Variants in SOX5 observed in about 807,000 individuals in gnomAD.
The protein encoded by SOX5 is transcription factor SOX-5.
A neutral mutation model predicts 92.0 loss-of-function variants in SOX5; 9 were observed. That is an observed-to-expected ratio of 0.10 (90% CI 0.06 to 0.17). SOX5 has a LOEUF of 0.17. Among genes scored for constraint, SOX5 ranks in the 10% least tolerant of loss-of-function variants. The pLI is 1.00. For missense variants in SOX5, 642 were observed against 944.5 expected, an observed-to-expected ratio of 0.68 and a Z score of 4.20; for synonymous variants, 344 against 336.3, an observed-to-expected ratio of 1.02 and a Z score of -0.25.
In SOX5 at chr12:24,445,259, T is replaced by C. The variant is rs112306857; in HGVS notation, c.-250-76620A>G. On this transcript the variant is annotated intron_variant, in intron 1 of 4. Coordinates refer to the SOX5 transcript ENST00000446891. ...GGTCAAATTTGCATGGTATCAGACA[T>C]GTCTAATGAATGCACACTCCTTAAC... Among the ~76,000 whole-genome samples, 94 of 152,348 alleles carry C rather than the reference T, an allele frequency of 6.2e-4. 1 individual carries two copies. Among genetic ancestry groups the C allele is most frequent in the African/African-American group, 1.8e-3 (76 of 41,594 alleles).
intron 8 of SOX5, among the ~76,000 whole-genome samples, chr12:23,628,487 G>A (rs1198044568): frequency 6.6e-6 from 1 of 152,046 alleles, no homozygotes; most frequent in African/African-American, 2.4e-5. Context: ...AGTAGAGAAA[G>A]CAAGACATAA....
chr12:24,076,425 C>T (rs1942605143), intron 4 of SOX5, among the ~76,000 whole-genome samples: 1 of 152,132 alleles, frequency 6.6e-6, no homozygotes, highest in Non-Finnish European at 1.5e-5. Context: ...AAAATCCACA[C>T]AGTGCTTGGG....
chr12:23,692,331 G>T lies in SOX5; in HGVS notation c.811-26767C>A, dbSNP rs545926578. Among the ~76,000 whole-genome samples the T allele has an allele frequency of 4.4e-3, 670 of 151,896 alleles. 4 individuals carry two copies. The highest frequency in any genetic ancestry group is 6.6e-3 in the Non-Finnish European group (448 of 67,952). ...CGGCGCCTGTAATCCCAGCTACTCG[G>T]GAGGCTGAGGCAGGAGAATCACTTG... is the stretch of plus-strand genomic sequence containing the variant. On this transcript the variant is annotated intron_variant, in intron 6 of 14. Transcript: ENST00000451604.
chr12:24,121,841 G>A lies in SOX5; in HGVS notation c.-2+91502C>T, dbSNP rs141529384. Among the ~76,000 whole-genome samples, 919 of 139,786 alleles carry A rather than the reference G, an allele frequency of 6.6e-3. 8 individuals carry two copies. The highest frequency in any genetic ancestry group is 0.023 in the African/African-American group (863 of 37,292). 91.7% of individuals were successfully genotyped at this position (139,786 alleles called of 152,430 possible). A position where few individuals can be genotyped will look rare whatever the true frequency, so the allele number is the denominator to read the frequency against. Reference sequence around the variant, plus strand: ...GCAGAGGTTGCAGTGAGCCGAGATCGTGCCACTGCACTCTAGCCTGGGCGA... The same window carrying A: ...GCAGAGGTTGCAGTGAGCCGAGATCATGCCACTGCACTCTAGCCTGGGCGA... On this transcript the variant is annotated intron_variant, in intron 4 of 4. Transcript: ENST00000446891.
At chr12:24,128,874 G>T (rs917275690) in intron 4 of SOX5, among the ~76,000 whole-genome samples, 1 of 152,170 alleles carries the variant, frequency 6.6e-6, no homozygotes, top group African/African-American at 2.4e-5. Flanking sequence ...AGGCAAAGTG[G>T]CCAGGTGGGA....
chr12:24,310,951 G>A (rs1047931591), intron 2 of SOX5, among the ~76,000 whole-genome samples: 4 of 151,646 alleles, frequency 2.6e-5, no homozygotes, highest in African/African-American at 7.3e-5. Context: ...ACTACTTTTC[G>A]GACATGTCAA....
chr12:23,678,282 A>G (rs903723549), intron 6 of SOX5, among the ~76,000 whole-genome samples: 7 of 152,164 alleles, frequency 4.6e-5, no homozygotes, highest in Non-Finnish European at 8.8e-5. Flanking sequence ...CATTACTTGC[A>G]AAAATCTGAG....
Position 23,657,214 on chromosome 12 carries a change from G to C in SOX5, c.931+8230C>G, listed in dbSNP as rs114475651. ...GTGGAAAGCCGTAAAATCAATAAGA[G>C]AGCAAGCCTGAGACTGGATGTCATG... On this transcript the variant is annotated intron_variant, in intron 7 of 14. Coordinates refer to ENST00000451604, the MANE Select transcript of SOX5 (RefSeq NM_006940.6). 3.5e-3 allele frequency among the ~76,000 whole-genome samples: 540 copies of C among 152,206 alleles called. 1 individual carries two copies. Among genetic ancestry groups the C allele is most frequent in the African/African-American group, 0.012 (517 of 41,548 alleles).
intron 1 of SOX5, among the ~76,000 whole-genome samples, chr12:24,487,935 C>T (rs957891245): frequency 3.9e-5 from 6 of 152,054 alleles, no homozygotes; most frequent in African/African-American, 1.4e-4. Flanking sequence ...ACCCAAGGAA[C>T]AGAAGATAAG....
chr12:23,554,713 AGAG>A (rs1302351833), intron 11 of SOX5, among the ~76,000 whole-genome samples: 1 of 152,304 alleles, frequency 6.6e-6, no homozygotes, highest in East Asian at 1.9e-4. Flanking sequence ...TATTGGTAAA[AGAG>A]GAGAAGAGAT....
At chr12:24,490,579 G>C (rs1441536564) in intron 1 of SOX5, among the ~76,000 whole-genome samples, 1 of 151,540 alleles carries the variant, frequency 6.6e-6, no homozygotes, top group Admixed American at 6.6e-5. Flanking sequence ...ACTTACACAG[G>C]AAAATTCAGG....
intron 4 of SOX5, among the ~76,000 whole-genome samples, chr12:24,193,867 A>G (rs1476853927): frequency 6.6e-6 from 1 of 152,216 alleles, no homozygotes; most frequent in Non-Finnish European, 1.5e-5. Flanking sequence ...TCTTTGTGCA[A>G]AACAGTCACT....
chr12:23,910,885 T>G (rs1169874579), intron 1 of SOX5, among the ~76,000 whole-genome samples: 1 of 152,132 alleles, frequency 6.6e-6, no homozygotes, highest in Admixed American at 6.6e-5. Context: ...AGTAAACTAT[T>G]ATCTATAGTT....
chr12:24,185,336 C>T (rs1037988852), intron 4 of SOX5, among the ~76,000 whole-genome samples: 14 of 152,106 alleles, frequency 9.2e-5, no homozygotes, highest in Non-Finnish European at 1.6e-4. Context: ...CAGATGCACT[C>T]CAATCCTCTC....
intron 1 of SOX5, among the ~76,000 whole-genome samples, chr12:24,542,077 G>A (rs1952181008): frequency 6.6e-6 from 1 of 152,066 alleles, no homozygotes. Context: ...ACTCTCCAAT[G>A]CTTTTATGAT....
chr12:23,975,515 A>T (rs1329511644), intron 4 of SOX5, among the ~76,000 whole-genome samples: 4 of 152,118 alleles, frequency 2.6e-5, no homozygotes, highest in African/African-American at 9.7e-5. Context: ...TCCTACTACA[A>T]ATCATTAGTT....
chr12:23,620,387 C>A (rs566763272), intron 8 of SOX5, among the ~76,000 whole-genome samples: 1 of 152,170 alleles, frequency 6.6e-6, no homozygotes, highest in Non-Finnish European at 1.5e-5. Flanking sequence ...TCACCTACAA[C>A]CCACTTTTAA....
At chr12:24,182,640 A>T (rs770582875) in intron 4 of SOX5, among the ~76,000 whole-genome samples, 3 of 152,022 alleles carry the variant, frequency 2.0e-5, no homozygotes, top group Non-Finnish European at 4.4e-5. Context: ...TACTTTAAGG[A>T]TAGATTACTC....
At chr12:24,214,182 C>T (rs1436567607) in intron 3 of SOX5, among the ~76,000 whole-genome samples, 1 of 151,978 alleles carries the variant, frequency 6.6e-6, no homozygotes, top group African/African-American at 2.4e-5. Flanking sequence ...ATAAATACTT[C>T]ATAAACCCAT....
Sources: allele counts gnomAD v4.1 joint callset (sites outside exome capture counted in the v4.1 genomes callset), GRCh38; gene constraint gnomAD v4.1.1; transcripts MANE v1.5; gene names NCBI Gene and HGNC (gene_info 2026-07-23, HGNC 2026-07-21).